Variants in INPP5J observed in about 807,000 individuals in gnomAD.
INPP5J encodes the protein phosphatidylinositol 4,5-bisphosphate 5-phosphatase A.
Under a neutral mutation model 86.6 loss-of-function variants are expected in INPP5J, and 75 were observed. The observed-to-expected ratio is 0.87, with a 90% CI of 0.72 to 1.05. The LOEUF is 1.05. Among genes scored for constraint, INPP5J ranks in the 50% least tolerant of loss-of-function variants. The pLI, the probability that INPP5J is intolerant of heterozygous loss-of-function variation, is 0.00. For missense variants in INPP5J, 1,229 were observed against 1,341.2 expected (o/e 0.92, Z 1.31); for synonymous variants, 540 against 550.0 (o/e 0.98, Z 0.25).
Position 31,125,254 on chromosome 22 carries a change from C to T in INPP5J, c.515C>T (p.Ala172Val). 1 of 1,550,520 alleles carries T rather than the reference C, an allele frequency of 6.4e-7. No homozygotes were observed. Among genetic ancestry groups the T allele is most frequent in the Non-Finnish European group, 8.7e-7 (1 of 1,146,962 alleles). Residue 172 changes from alanine to valine, a missense_variant, in exon 2 of 13, where the codon GCC (alanine) becomes GTC (valine). Transcript: ENST00000331075. ...TSRDQKQEPP[A>V]SVGPKPTLAA... is the part of the protein sequence containing the mutation. ...AGAGACCAGAAGCAGGAGCCACCTG[C>T]CTCCGTGGGACCCAAGCCAACACTG...
At position 31,128,668 on chromosome 22, in the gene INPP5J, T is replaced by C; in HGVS notation, c.2193+14T>C. On this transcript the variant is annotated intron_variant, in intron 9 of 12. Coordinates refer to ENST00000331075, the MANE Select transcript of INPP5J (RefSeq NM_001284285.2). ...TTCCTCCTGCAGGTGAGTTCTGGCC[T>C]CATCCTCCCCGCATGAAATCCCCAG... 1 of 1,551,894 alleles carries C rather than the reference T, an allele frequency of 6.4e-7. No individual in the cohort carries two copies. The highest frequency in any genetic ancestry group is 8.7e-7 in the Non-Finnish European group (1 of 1,150,352).
intron 9 of INPP5J, among the ~76,000 whole-genome samples, chr22:31,131,849 A>G (rs1025192663): frequency 6.6e-6 from 1 of 152,204 alleles, no homozygotes; most frequent in Admixed American, 6.5e-5. Context: ...AGGAACAGGG[A>G]AAGAATGTGC....
At chr22:31,130,910 C>T (rs1922012128) in intron 9 of INPP5J, among the ~76,000 whole-genome samples, 1 of 152,144 alleles carries the variant, frequency 6.6e-6, no homozygotes, top group African/African-American at 2.4e-5. Context: ...TGAGGCTCCT[C>T]ATGGGGTAGG....
chr22:31,134,353 G>T lies in INPP5J; in HGVS notation c.2955G>T (p.Ala985=). The change falls in exon 13 of 13, where the codon GCG becomes GCT. Residue 985 remains alanine, a synonymous_variant. Coordinates refer to ENST00000331075, the MANE Select transcript of INPP5J (RefSeq NM_001284285.2). ...GGGGACCTGATCGGGAGGCCCTGGC[G>T]CCCAACAGCCTGTCTCCTAGTCCCC... ...GSWGPDREAL[A]PNSLSPSPQG... 1 of 1,532,250 alleles carries T rather than the reference G, an allele frequency of 6.5e-7. No homozygotes were observed. The highest frequency in any genetic ancestry group is 8.8e-7 in the Non-Finnish European group (1 of 1,139,466). The allele number at this position is 1,532,250 out of a possible 1,614,324, so 94.9% of individuals were successfully genotyped here.
rs553032524 is a variant in INPP5J, at chr22:31,134,202, G to A, written c.2804G>A (p.Gly935Asp). Reference protein sequence around the residue: ...PDRSSNGSSRGSSEEGPSGLP... With the variant: ...PDRSSNGSSRDSSEEGPSGLP... ...AGGAGCAGTAATGGCAGCAGCCGGG[G>A]CAGTAGTGAAGAGGGGCCCTCTGGG... Residue 935 changes from glycine (G) to aspartate (D), a missense_variant, in exon 13 of 13, where the codon GGC becomes GAC. Coordinates refer to ENST00000331075, the MANE Select transcript of INPP5J (RefSeq NM_001284285.2). 13 of 1,550,172 alleles carry A rather than the reference G, an allele frequency of 8.4e-6. No individual in the cohort carries two copies. The African/African-American group carries it at 1.2e-4, about 15-fold the overall frequency.
chr22:31,123,239 C>T, intron 1 of INPP5J, 120 bp downstream of exon 1: 1 of 617,048 alleles, frequency 1.6e-6, no homozygotes, highest in Non-Finnish European at 2.6e-6. Context: ...TTCCTCTGCT[C>T]AGCGAGCAGG....
rs910537854 is a variant in INPP5J at position 31,134,163 on chromosome 22, G to T, written c.2765G>T (p.Arg922Leu). ...TCACCCCAGAGCCGCCGCCTGTCCCGAGTGGCTCCTGACAGGAGCAGTAAT... is the reference window on the plus strand; with the variant it reads ...TCACCCCAGAGCCGCCGCCTGTCCCTAGTGGCTCCTGACAGGAGCAGTAAT... ...SPSPQSRRLS[R>L]VAPDRSSNGS... Residue 922 changes from arginine to leucine, a missense_variant, in exon 13 of 13, where the codon CGA becomes CTA. By Grantham distance (102) the Arg-to-Leu change is moderately radical. Transcript: ENST00000331075. 29 of 1,549,320 alleles carry T rather than the reference G, an allele frequency of 1.9e-5. No homozygotes were observed. Among genetic ancestry groups the T allele is most frequent in the Non-Finnish European group, 2.2e-5 (25 of 1,146,176 alleles).
In INPP5J at chr22:31,134,242, G is replaced by A; in HGVS notation, c.2844G>A (p.Trp948Ter). 6.4e-7 allele frequency: 1 copy of A among 1,550,668 alleles called. No homozygotes were observed. The change falls in exon 13 of 13, where the codon TGG becomes TGA. Residue 948 changes from tryptophan (W) to a stop codon, truncating the protein, a stop_gained. Coordinates refer to ENST00000331075, the MANE Select transcript of INPP5J (RefSeq NM_001284285.2). LOFTEE classifies it high-confidence loss of function. ...GGCCCTCTGGGTTGCCTGGCCCCTG[G>A]GCCTTCCCACCAGCTGTGCCTCGAA... ...EEGPSGLPGP[W>*]AFPPAVPRSL...
Position 31,126,005 on chromosome 22 carries a change from C to T in INPP5J, c.1266C>T (p.Gly422=), listed in dbSNP as rs1921374771. The T allele has an allele frequency of 6.4e-7, 1 of 1,564,626 alleles. No individual in the cohort carries two copies. Among genetic ancestry groups the T allele is most frequent in the Non-Finnish European group, 8.7e-7 (1 of 1,153,290 alleles). ...AGCCTACCTGGAAGAGCGACCCCGG[C>T]TTCCGGTGAGGGGGCCCTCTCCCAA... ...SAQPTWKSDP[G]FRITVVTWNV... is the part of the protein sequence containing the mutation. Residue 422 remains glycine, a synonymous_variant, in exon 2 of 13, where the codon GGC becomes GGT. Coordinates refer to ENST00000331075, the MANE Select transcript of INPP5J (RefSeq NM_001284285.2).
In INPP5J at chr22:31,133,787, T is replaced by A. The variant is rs755827311; in HGVS notation, c.2514+73T>A. The A allele has an allele frequency of 3.2e-6, 5 of 1,568,876 alleles. No homozygotes were observed. The Admixed American group carries it at 8.5e-5, about 27-fold the overall frequency. The stretch of plus-strand genomic sequence containing the variant: ...AAATGCCACAGCCTCTACATTCTGC[T>A]CCTTGAGTTCAGACAAATAACCTGA... On this transcript the variant is annotated intron_variant, in intron 12 of 12. Coordinates refer to ENST00000331075, the MANE Select transcript of INPP5J (RefSeq NM_001284285.2).
In INPP5J at chr22:31,124,880, C is replaced by G. The variant is rs191358635; in HGVS notation, c.141C>G (p.Asn47Lys). 2.5e-6 allele frequency: 4 copies of G among 1,612,902 alleles called. No homozygotes were observed. The highest frequency in any genetic ancestry group is 3.4e-6 in the Non-Finnish European group (4 of 1,179,068). ...DSSFQLPAKK[N>K]AALGPSEPRL... ...GTTTTCAGCTCCCAGCAAAGAAGAA[C>G]GCAGCCCTAGGACCCTCGGAACCAA... is the stretch of plus-strand genomic sequence containing the variant. The change falls in exon 2 of 13, where the codon AAC becomes AAG. Residue 47 changes from asparagine to lysine, a missense_variant. Physicochemically the swap from Asn to Lys is moderately conservative, Grantham distance 94. Transcript: ENST00000331075.
intron 9 of INPP5J, among the ~76,000 whole-genome samples, chr22:31,131,319 C>T (rs1163734210): frequency 6.6e-6 from 1 of 152,172 alleles, no homozygotes; most frequent in Non-Finnish European, 1.5e-5. Context: ...AATCCCAGCA[C>T]TTTGGGAGGC....
In INPP5J at chr22:31,124,994, C is replaced by T. The variant is rs1027948601; in HGVS notation, c.255C>T (p.Ile85=). Reference sequence around the variant, plus strand: ...TGGCTCTGGCATCTCCCCGACCAATCCTGGCTCCACTGTGTACCCCTGAAG... The same window carrying T: ...TGGCTCTGGCATCTCCCCGACCAATTCTGGCTCCACTGTGTACCCCTGAAG... ...PRLALASPRP[I]LAPLCTPEGQ... The change falls in exon 2 of 13, where the codon ATC becomes ATT. Residue 85 remains isoleucine, a synonymous_variant. Coordinates refer to ENST00000331075, the MANE Select transcript of INPP5J (RefSeq NM_001284285.2). The T allele has an allele frequency of 3.0e-5, 48 of 1,581,232 alleles. No homozygotes were observed. Among genetic ancestry groups the T allele is most frequent in the Non-Finnish European group, 4.1e-5 (48 of 1,163,694 alleles).
At chr22:31,123,169 A>T in intron 1 of INPP5J, 50 bp downstream of exon 1, 1 of 1,156,840 alleles carries the variant, frequency 8.6e-7, no homozygotes. Flanking sequence ...CCCTGGTTCC[A>T]CACACCCCCC....
Position 31,125,745 on chromosome 22 carries a change from ACTGTGCCCCCAC to A in INPP5J, c.1009_1020del (p.Val337_Pro340del), listed in dbSNP as rs1339804672. Reference sequence around the variant, plus strand: ...CCGGCCTGGGGCCCCCTCAGGCCAGACTGTGCCCCCACCTCTGCCCAAGCCACCCCGATCACC... The same window carrying A: ...CCGGCCTGGGGCCCCCTCAGGCCAGACTCTGCCCAAGCCACCCCGATCACC... On this transcript the variant is annotated inframe_deletion, in exon 2 of 13. Coordinates refer to ENST00000331075, the MANE Select transcript of INPP5J (RefSeq NM_001284285.2). 1 of 1,550,500 alleles carries A rather than the reference ACTGTGCCCCCAC, an allele frequency of 6.4e-7. No homozygotes were observed. Among genetic ancestry groups the A allele is most frequent in the Non-Finnish European group, 8.7e-7 (1 of 1,146,458 alleles).
rs193185042 is a variant in INPP5J, at chr22:31,127,214, C to G, written c.1612-143C>G. 1.2e-3 allele frequency: 1,008 copies of G among 847,192 alleles called. 8 individuals carry two copies. The East Asian group carries it at 0.012, about 10-fold the overall frequency. The allele number at this position is 847,192 out of a possible 1,614,324, so 52.5% of individuals were successfully genotyped here. On this transcript the variant is annotated intron_variant, in intron 5 of 12. Transcript: ENST00000331075. Reference sequence around the variant, plus strand: ...TTCCTCTATACCCCCGCCCTTTTCTCTCCCCACTGTGTCCCAGCGTTGTTC... The same window carrying G: ...TTCCTCTATACCCCCGCCCTTTTCTGTCCCCACTGTGTCCCAGCGTTGTTC...
Position 31,126,472 on chromosome 22 carries a change from A to G in INPP5J, c.1368A>G (p.Ala456=). 2 of 1,613,710 alleles carry G rather than the reference A, an allele frequency of 1.2e-6. No individual in the cohort carries two copies. The highest frequency in any genetic ancestry group is 1.7e-6 in the Non-Finnish European group (2 of 1,179,802). ...HLGGGDDSDG[A]DMIAIGLQEV... ...GCGGTGGTGACGACAGCGACGGCGC[A>G]GACATGATCGCCATAGGGTGAGGTG... The change falls in exon 3 of 13, where the codon GCA becomes GCG. Residue 456 remains alanine, a synonymous_variant. Coordinates refer to ENST00000331075, the MANE Select transcript of INPP5J (RefSeq NM_001284285.2).
At chr22:31,124,373 C>T (rs977450998) in intron 1 of INPP5J, 19 of 870,216 alleles carry the variant, frequency 2.2e-5, no homozygotes, top group African/African-American at 3.6e-5. Context: ...TAACAAGCTG[C>T]ACCTGTAGGT....
intron 1 of INPP5J, 61 bp downstream of exon 1, chr22:31,123,180 C>A: frequency 2.0e-6 from 2 of 1,016,766 alleles, no homozygotes; most frequent in Non-Finnish European, 2.7e-6. Context: ...CACACCCCCC[C>A]CACATACACT....
Sources: gnomAD v4.1 joint callset for allele counts (sites outside exome capture counted in the v4.1 genomes callset) on GRCh38, gnomAD v4.1.1 for gene constraint, MANE v1.5 for transcripts, NCBI Gene and HGNC (gene_info 2026-07-23, HGNC 2026-07-21) for gene names.